SSU72: variants seen among roughly 807,000 people sequenced by gnomAD.
The protein encoded by SSU72 is SSU72 homolog, RNA polymerase II CTD phosphatase.
Under a neutral mutation model 22.7 loss-of-function variants are expected in SSU72, and 12 were observed. That is an observed-to-expected ratio of 0.53 (90% CI 0.34 to 0.86). The LOEUF is 0.86. SSU72 is among the 40% of genes least tolerant of loss of function. The probability of loss-of-function intolerance (pLI) is 0.02; values close to 1 mark genes in which losing one functional copy is unlikely to be tolerated. For synonymous variants in SSU72, 116 were observed against 98.3 expected (o/e 1.18, Z -1.06); for missense variants, 151 against 249.8 (o/e 0.60, Z 2.67).
At chr1:1,565,061 C>G in intron 1 of SSU72, 145 bp from the exon 2 acceptor site, 2 of 1,210,298 alleles carry the variant, frequency 1.7e-6, no homozygotes, top group Non-Finnish European at 2.2e-6. Context: ...TAATCTAGGC[C>G]GGGCATGGTG....
At chr1:1,552,389 G>A (rs1416836189) in intron 2 of SSU72, among the ~76,000 whole-genome samples, 2 of 152,224 alleles carry the variant, frequency 1.3e-5, no homozygotes, top group East Asian at 1.9e-4. Context: ...TGGCAGTGAG[G>A]TCAAAGGTCA....
chr1:1,564,379 G>GT, intron 2 of SSU72: 1 of 1,237,610 alleles, frequency 8.1e-7, no homozygotes, highest in South Asian at 1.7e-5. Context: ...GGCTCCATGT[G>GT]TATCAGGCAC....
At chr1:1,545,071 C>A in intron 2 of SSU72, 69 bp from the exon 3 acceptor site, 1 of 1,558,472 alleles carries the variant, frequency 6.4e-7, no homozygotes, top group Non-Finnish European at 8.7e-7. Flanking sequence ...CGCCTGTGTC[C>A]TGGACACCCA....
intron 1 of SSU72, among the ~76,000 whole-genome samples, chr1:1,567,527 AG>A (rs1642676402): frequency 6.6e-6 from 1 of 152,212 alleles, no homozygotes. Flanking sequence ...AAAGCAATAA[AG>A]TCAACTGTTG....
At position 1,541,825 on chromosome 1, in the gene SSU72, C is replaced by T; in HGVS notation, c.*241G>A. On this transcript the variant is annotated 3_prime_UTR_variant, in exon 5 of 5. Transcript: ENST00000291386. ...AAGTGCACACAAACCGTTGTCTTTC[C>T]TTTTTGGTTAAAGAAGAAAAACTTT... 1 of 508,148 alleles carries T rather than the reference C, an allele frequency of 2.0e-6. No individual in the cohort carries two copies. Among genetic ancestry groups the T allele is most frequent in the Non-Finnish European group, 3.6e-6 (1 of 280,720 alleles). 31.5% of individuals were successfully genotyped at this position (508,148 alleles called of 1,614,324 possible). A position where few individuals can be genotyped will look rare whatever the true frequency, so the allele number is the denominator to read the frequency against.
intron 1 of SSU72, among the ~76,000 whole-genome samples, chr1:1,572,643 G>T (rs911087959): frequency 1.3e-5 from 2 of 150,686 alleles, no homozygotes; most frequent in Non-Finnish European, 3.0e-5. Context: ...ATTTTCAGTA[G>T]AGACGGGGTT....
intron 2 of SSU72, among the ~76,000 whole-genome samples, chr1:1,559,672 G>A (rs988041867): frequency 1.3e-5 from 2 of 152,094 alleles, no homozygotes; most frequent in African/African-American, 4.8e-5. Flanking sequence ...TGACCCTCCC[G>A]CCTCAGCCAC....
intron 2 of SSU72, chr1:1,546,206 C>T (rs779218995): frequency 2.6e-5 from 4 of 152,240 alleles, no homozygotes; most frequent in Non-Finnish European, 5.9e-5. Context: ...AGATAAACAG[C>T]CTAGCTGACA....
At position 1,574,585 on chromosome 1, in the gene SSU72, C is replaced by A. The variant is rs777211241; in HGVS notation, c.-28G>T. ...CGGCGGCCGCAAATCCCGCGGCTCT[C>A]CCGCTTGGGTTCCCACCCTACCGCG... On this transcript the variant is annotated 5_prime_UTR_variant, in exon 1 of 5. Coordinates refer to ENST00000291386, the MANE Select transcript of SSU72 (RefSeq NM_014188.3). 8 of 1,575,848 alleles carry A rather than the reference C, an allele frequency of 5.1e-6. No individual in the cohort carries two copies. Among genetic ancestry groups the A allele is most frequent in the Admixed American group, 3.6e-5 (2 of 56,012 alleles).
intron 2 of SSU72, among the ~76,000 whole-genome samples, chr1:1,547,219 G>A (rs1221672736): frequency 6.6e-6 from 1 of 152,172 alleles, no homozygotes; most frequent in Non-Finnish European, 1.5e-5. Context: ...ACAGCCGGGG[G>A]TGAGGCCGTG....
In SSU72 at chr1:1,542,488, C is replaced by T. The variant is rs957927583; in HGVS notation, c.484-321G>A. 2.0e-5 allele frequency among the ~76,000 whole-genome samples: 3 copies of T among 152,122 alleles called. No individual in the cohort carries two copies. The highest frequency in any genetic ancestry group is 2.1e-4 in the South Asian group (1 of 4,824). On this transcript the variant is annotated intron_variant, in intron 4 of 4. Coordinates refer to ENST00000291386, the MANE Select transcript of SSU72 (RefSeq NM_014188.3). This position sits in a 1 kb window ranked among gnomAD's most constrained non-coding sequence, Gnocchi z 4.4. The stretch of plus-strand genomic sequence containing the variant: ...CAGACCCACACATGCACAGCGGGGC[C>T]GACCAACCCTCACCGCCAGCGCTTC...
At chr1:1,559,813 A>G (rs3118508) in intron 2 of SSU72, among the ~76,000 whole-genome samples, 151,694 of 152,262 alleles carry the variant, frequency 1, 75,567 homozygotes, top group Middle Eastern at 1. Flanking sequence ...GGCAACCTCC[A>G]TCTCCCAGGT....
intron 2 of SSU72, among the ~76,000 whole-genome samples, chr1:1,551,549 G>A (rs1642455652): frequency 9.6e-6 from 1 of 104,366 alleles, no homozygotes; most frequent in African/African-American, 8.5e-5. Flanking sequence ...AATGCTACCT[G>A]TACACTCAGA....
intron 2 of SSU72, among the ~76,000 whole-genome samples, chr1:1,547,477 C>T (rs1010666256): frequency 6.6e-6 from 1 of 152,222 alleles, no homozygotes; most frequent in African/African-American, 2.4e-5. Context: ...GATCTCCTGG[C>T]GAGGAGATGC....
chr1:1,546,746 G>A (rs1399424518), intron 2 of SSU72, among the ~76,000 whole-genome samples: 3 of 151,804 alleles, frequency 2.0e-5, no homozygotes, highest in Non-Finnish European at 4.4e-5. Context: ...AGGAGGCTGA[G>A]GCACGAGAGT....
At chr1:1,572,937 A>G (rs1004260970) in intron 1 of SSU72, among the ~76,000 whole-genome samples, 2 of 150,924 alleles carry the variant, frequency 1.3e-5, no homozygotes, top group East Asian at 3.9e-4. Context: ...TTTACAGGTA[A>G]CTGCAGTTTA....
chr1:1,545,215 T>TTGC lies in SSU72; in HGVS notation c.225-216_225-214dup. On this transcript the variant is annotated intron_variant, in intron 2 of 4. Transcript: ENST00000291386. The stretch of plus-strand genomic sequence containing the variant: ...AAACAAAGTGGGCGATGGCAGGTGC[T>TTGC]TGCTCCTCGCTGTCCCCCAACTCGG... 5.3e-6 allele frequency: 3 copies of TTGC among 564,462 alleles called. 1 individual carries two copies. In the South Asian group the frequency reaches 6.6e-5, roughly 12 times the overall value. 35.0% of individuals were successfully genotyped at this position (564,462 alleles called of 1,614,324 possible).
chr1:1,570,390 G>T (rs1053691376), intron 1 of SSU72, among the ~76,000 whole-genome samples: 2 of 151,720 alleles, frequency 1.3e-5, no homozygotes, highest in Non-Finnish European at 2.9e-5. Flanking sequence ...GCCGACCAGA[G>T]GCCAGGAGAA....
chr1:1,564,605 C>T, intron 2 of SSU72, 168 bp downstream of exon 2: 1 of 1,611,806 alleles, frequency 6.2e-7, no homozygotes, highest in South Asian at 1.1e-5. Flanking sequence ...TGGAACTAAC[C>T]CGTGGACGAT....
Sources: allele counts gnomAD v4.1 joint callset (sites outside exome capture counted in the v4.1 genomes callset), GRCh38; gene constraint gnomAD v4.1.1; non-coding constraint Gnocchi (gnomAD v3.1); transcripts MANE v1.5; gene names NCBI Gene and HGNC (gene_info 2026-07-23, HGNC 2026-07-21).